PLD3: variants seen among roughly 807,000 people sequenced by gnomAD.
The protein encoded by PLD3 is 5'-3' exonuclease PLD3.
In PLD3, 31 loss-of-function variants were observed where a neutral mutation model predicts 58.4. The ratio of observed to expected loss-of-function variants is 0.53; its 90% CI spans 0.40 to 0.72. The LOEUF (loss-of-function observed/expected upper bound fraction) is 0.72, where lower values mean the gene tolerates loss of function less well. Ranked by LOEUF, PLD3 falls within the 30% of genes least tolerant of loss-of-function variation. The probability of loss-of-function intolerance (pLI) is 0.00; values close to 1 mark genes in which losing one functional copy is unlikely to be tolerated. For missense variants in PLD3, 595 were observed against 659.8 expected (o/e 0.90, Z 1.08); for synonymous variants, 264 against 273.4 (o/e 0.97, Z 0.34).
In PLD3 at chr19:40,366,727, TG is replaced by T. The variant is rs1043378790; in HGVS notation, c.103-43del. 9 of 1,613,966 alleles carry T rather than the reference TG, an allele frequency of 5.6e-6. No homozygotes were observed. The African/African-American group carries it at 1.2e-4, about 22-fold the overall frequency. ...CCCTCGCTCTGTCTCAGAGACAGGCTGGGCTGCCCCCCTCGGGCTGGCTGAC... is the reference window on the plus strand; with the variant it reads ...CCCTCGCTCTGTCTCAGAGACAGGCTGGCTGCCCCCCTCGGGCTGGCTGAC... On this transcript the variant is annotated intron_variant, in intron 4 of 12. Coordinates refer to ENST00000409735, the MANE Select transcript of PLD3 (RefSeq NM_012268.4).
At chr19:40,362,478 T>G (rs897112746) in intron 1 of PLD3, among the ~76,000 whole-genome samples, 2 of 152,220 alleles carry the variant, frequency 1.3e-5, no homozygotes, top group Non-Finnish European at 2.9e-5. Flanking sequence ...CTCTGTCAGC[T>G]GGGCTGGAGT....
intron 1 of PLD3, among the ~76,000 whole-genome samples, chr19:40,351,908 A>G (rs1033687450): frequency 3.3e-5 from 5 of 152,216 alleles, no homozygotes; most frequent in African/African-American, 1.2e-4. Context: ...CTTATTGGAA[A>G]GAGAGCCAGA....
At chr19:40,351,139 G>A (rs891477609) in intron 1 of PLD3, among the ~76,000 whole-genome samples, 1 of 152,068 alleles carries the variant, frequency 6.6e-6, no homozygotes, top group Non-Finnish European at 1.5e-5. Context: ...TGAGAGGTGG[G>A]GGGATCGCTT....
At chr19:40,350,128 C>T (rs1270619978) in intron 1 of PLD3, among the ~76,000 whole-genome samples, 6 of 137,986 alleles carry the variant, frequency 4.3e-5, no homozygotes, top group East Asian at 2.2e-4. Flanking sequence ...GGCATGGTGG[C>T]ACATGCCTGT....
intron 6 of PLD3, among the ~76,000 whole-genome samples, chr19:40,368,731 G>C (rs79272188): frequency 1.3e-5 from 2 of 151,390 alleles, no homozygotes; most frequent in South Asian, 4.2e-4. Context: ...AGTGAGACCC[G>C]CCCCCCACCT....
intron 1 of PLD3, chr19:40,357,794 T>TGTAA (rs1454398285): frequency 6.6e-6 from 1 of 152,180 alleles, no homozygotes; most frequent in African/African-American, 2.4e-5. Flanking sequence ...GTGATTAAAA[T>TGTAA]GTATACAAGA....
chr19:40,376,620 C>T lies in PLD3; in HGVS notation c.1031C>T (p.Ala344Val). Residue 344 changes from alanine to valine, a missense_variant, in exon 11 of 13, where the codon GCC (alanine) becomes GTC (valine). By Grantham distance (64) the Ala-to-Val change is moderately conservative. Transcript: ENST00000409735. ...ACACCCGTCCTCAGGTTCTGGCCTG[C>T]CATTGACGATGGGCTGCGGCGGGCC... ...EFSHPHRFWP[A>V]IDDGLRRATY... is the part of the protein sequence containing the mutation. The T allele has an allele frequency of 6.2e-7, 1 of 1,609,778 alleles. No individual in the cohort carries two copies. Among genetic ancestry groups the T allele is most frequent in the East Asian group, 2.2e-5 (1 of 44,880 alleles).
At chr19:40,351,523 C>T (rs1182975152) in intron 1 of PLD3, among the ~76,000 whole-genome samples, 5 of 151,922 alleles carry the variant, frequency 3.3e-5, no homozygotes, top group Non-Finnish European at 7.4e-5. Flanking sequence ...CCAGCCTGGG[C>T]GACAGCGAGA....
At chr19:40,368,550 T>G (rs2078985903) in intron 6 of PLD3, among the ~76,000 whole-genome samples, 1 of 152,196 alleles carries the variant, frequency 6.6e-6, no homozygotes, top group Non-Finnish European at 1.5e-5. Flanking sequence ...TGGCTCTTTT[T>G]GTGAGAAGTT....
chr19:40,353,652 C>G (rs143619347), intron 1 of PLD3, among the ~76,000 whole-genome samples: 346 of 146,020 alleles, frequency 2.4e-3, no homozygotes, highest in African/African-American at 7.9e-3. Context: ...GATCTCAGCT[C>G]ACTTCAAGCT....
chr19:40,376,145 C>T (rs931225578), intron 10 of PLD3: 10 of 155,410 alleles, frequency 6.4e-5, no homozygotes, highest in Admixed American at 1.3e-4. Flanking sequence ...CACCTGAGGT[C>T]GGGAGTTCGA....
At chr19:40,373,586 A>G (rs1338048173) in intron 9 of PLD3, among the ~76,000 whole-genome samples, 2 of 149,564 alleles carry the variant, frequency 1.3e-5, no homozygotes. Context: ...CAAAAAAAAA[A>G]AAAGGGGGGG....
intron 1 of PLD3, among the ~76,000 whole-genome samples, chr19:40,355,601 C>T (rs1391422812): frequency 4.8e-5 from 7 of 146,682 alleles, no homozygotes; most frequent in African/African-American, 1.7e-4. Flanking sequence ...TGTGAGCCAC[C>T]GTGCCGGCTC....
intron 1 of PLD3, among the ~76,000 whole-genome samples, chr19:40,361,256 C>T (rs867471119): frequency 1.2e-4 from 18 of 152,284 alleles, no homozygotes; most frequent in Middle Eastern, 3.4e-3. Flanking sequence ...GGATTACAGG[C>T]ATGTGCCACC....
chr19:40,362,545 C>T (rs1389942197), intron 1 of PLD3, among the ~76,000 whole-genome samples: 1 of 152,182 alleles, frequency 6.6e-6, no homozygotes, highest in African/African-American at 2.4e-5. Flanking sequence ...AAGCAATTCT[C>T]CTGCCTCAGC....
chr19:40,352,258 G>A (rs917198067), intron 1 of PLD3, among the ~76,000 whole-genome samples: 5 of 152,150 alleles, frequency 3.3e-5, no homozygotes, highest in Admixed American at 1.3e-4. Flanking sequence ...GGGCAACAGA[G>A]CAAGACTCCA....
rs774230341 is a variant in PLD3 at position 40,366,922 on chromosome 19, G to A, written c.245+7G>A. On this transcript the variant is annotated splice_region_variant and intron_variant, in intron 5 of 12. Transcript: ENST00000409735. ...CCTGCTATGACCCTTGCGAGTAAGT[G>A]GGGGGTGCTGCAGTTGGTGGGGGAG... 2 of 1,590,756 alleles carry A rather than the reference G, an allele frequency of 1.3e-6. No homozygotes were observed. The highest frequency in any genetic ancestry group is 1.7e-6 in the Non-Finnish European group (2 of 1,167,788).
At chr19:40,360,075 G>C (rs2078744256) in intron 1 of PLD3, 1 of 152,074 alleles carries the variant, frequency 6.6e-6, no homozygotes, top group Admixed American at 6.6e-5. Flanking sequence ...CCAAACTCCT[G>C]GTCTTTTCCC....
Position 40,366,592 on chromosome 19 carries a change from T to C in PLD3, c.28-18T>C, listed in dbSNP as rs1171754233. 1.9e-6 allele frequency: 3 copies of C among 1,579,570 alleles called. No homozygotes were observed. Among genetic ancestry groups the C allele is most frequent in the Non-Finnish European group, 2.6e-6 (3 of 1,161,430 alleles). On this transcript the variant is annotated intron_variant, in intron 3 of 12. Transcript: ENST00000409735. ...CCCAAGAGCCACCTGTCACCCCCGT[T>C]GTTGTCCCCATCCCCAGCTGAAGGT...
Sources: allele counts gnomAD v4.1 joint callset (sites outside exome capture counted in the v4.1 genomes callset), GRCh38; gene constraint gnomAD v4.1.1; transcripts MANE v1.5; gene names NCBI Gene and HGNC (gene_info 2026-07-23, HGNC 2026-07-21).